The following LPIN1 variants were observed in gnomAD, a reference collection of about 807,000 sequenced individuals.
LPIN1 encodes the protein phosphatidate phosphatase LPIN1.
A neutral mutation model predicts 107.5 loss-of-function variants in LPIN1; 71 were observed. That is an observed-to-expected ratio of 0.66 (90% CI 0.55 to 0.80). The LOEUF is 0.80. Among genes scored for constraint, LPIN1 ranks in the 30% least tolerant of loss-of-function variants. The pLI is 0.00. For synonymous variants in LPIN1, 445 were observed against 452.6 expected (o/e 0.98, Z 0.21); for missense variants, 1,043 against 1,160.6 (o/e 0.90, Z 1.47).
At chr2:11,705,601 G>A (rs557069089) in intron 1 of LPIN1, among the ~76,000 whole-genome samples, 40 of 152,222 alleles carry the variant, frequency 2.6e-4, no homozygotes, top group Middle Eastern at 3.4e-3. Context: ...AGCGTGTCTC[G>A]GACAGGGAGA....
intron 17 of LPIN1, among the ~76,000 whole-genome samples, chr2:11,809,889 A>C (rs1679362188): frequency 6.6e-6 from 1 of 152,194 alleles, no homozygotes; most frequent in Non-Finnish European, 1.5e-5. Context: ...GGCAGCCATT[A>C]GCTCACCCTG....
In LPIN1 at chr2:11,791,999, T is replaced by C. The variant is rs988428098; in HGVS notation, c.1799T>C (p.Ile600Thr). Residue 600 changes from isoleucine (I) to threonine (T), a missense_variant, in exon 13 of 21, where the codon ATC becomes ACC. Ile to Thr is a moderately conservative substitution (Grantham distance 89). Transcript: ENST00000674199. ...TCATGGAGGGGAAGAAACACCACAA[T>C]CAAGGAGGTAAGCCCAGAAGACAAA... ...WFSWRGRNTTIKEESKPEQCL... is the reference protein window; with the variant it reads ...WFSWRGRNTTTKEESKPEQCL... 1 of 1,613,524 alleles carries C rather than the reference T, an allele frequency of 6.2e-7. No homozygotes were observed. Among genetic ancestry groups the C allele is most frequent in the African/African-American group, 1.3e-5 (1 of 74,928 alleles).
rs368262693 is a variant in LPIN1 at position 11,819,487 on chromosome 2, A to G, written c.2406A>G (p.Glu802=). The G allele has an allele frequency of 2.5e-6, 4 of 1,587,004 alleles. No individual in the cohort carries two copies. Among genetic ancestry groups the G allele is most frequent in the Non-Finnish European group, 3.5e-6 (4 of 1,155,218 alleles). The change falls in exon 19 of 21, where the codon GAA becomes GAG. Residue 802 remains glutamate (E), a synonymous_variant. Coordinates refer to ENST00000674199, the MANE Select transcript of LPIN1 (RefSeq NM_001349206.2). ...PSSLFSALHR[E]VIEKKPEKFK... is the part of the protein sequence containing the mutation. ...CTGTTATTTATTTGTTTAACAGAGA[A>G]GTGATTGAAAAGAAGCCAGAAAAGT...
chr2:11,786,780 T>C lies in LPIN1; in HGVS notation c.1550-294T>C, dbSNP rs1394698481. Among the ~76,000 whole-genome samples the C allele has an allele frequency of 6.6e-6, 1 of 152,238 alleles. No homozygotes were observed. Among genetic ancestry groups the C allele is most frequent in the Non-Finnish European group, 1.5e-5 (1 of 68,046 alleles). On this transcript the variant is annotated intron_variant, in intron 10 of 20. Coordinates refer to ENST00000674199, the MANE Select transcript of LPIN1 (RefSeq NM_001349206.2). The surrounding 1 kb of genome is among the most constrained non-coding windows in gnomAD (Gnocchi z 4.1). The stretch of plus-strand genomic sequence containing the variant: ...GTAGCCATGACTCTGCCTGTGCAGA[T>C]GCACGTGTGTGCTGTTTTCACCCCT...
rs759568878 is a variant in LPIN1, at chr2:11,771,326, A to G, written c.289-46A>G. 11 of 1,595,500 alleles carry G rather than the reference A, an allele frequency of 6.9e-6. No homozygotes were observed. The highest frequency in any genetic ancestry group is 8.6e-6 in the Non-Finnish European group (10 of 1,163,354). ...CCTCTGGCAAGGCCCTGCTTCTTAT[A>G]CCTGAATTAACGAGGCTCTTTTTAG... On this transcript the variant is annotated intron_variant, in intron 3 of 20. Coordinates refer to ENST00000674199, the MANE Select transcript of LPIN1 (RefSeq NM_001349206.2). The surrounding 1 kb of genome is among the most constrained non-coding windows in gnomAD (Gnocchi z 4.8).
intron 1 of LPIN1, among the ~76,000 whole-genome samples, chr2:11,710,494 C>T (rs1431518734): frequency 6.6e-6 from 1 of 151,970 alleles, no homozygotes. Flanking sequence ...AAGGTTCAAG[C>T]AAGGTAGAAG....
chr2:11,758,044 A>G (rs550149268), intron 1 of LPIN1, among the ~76,000 whole-genome samples: 1 of 152,286 alleles, frequency 6.6e-6, no homozygotes, highest in Admixed American at 6.5e-5. Flanking sequence ...TGACTGGCCT[A>G]TTTCATTTAG....
chr2:11,792,152 G>A (rs1675868255), intron 13 of LPIN1, 146 bp downstream of exon 13: 5 of 715,228 alleles, frequency 7.0e-6, no homozygotes, highest in East Asian at 3.0e-5. Flanking sequence ...GAAGTAGGGC[G>A]AGTGCTCGTG....
chr2:11,801,015 A>T (rs1677627759), intron 14 of LPIN1, among the ~76,000 whole-genome samples: 1 of 152,210 alleles, frequency 6.6e-6, no homozygotes, highest in South Asian at 2.1e-4. Flanking sequence ...TTTGCTCAAC[A>T]TCACTAATCA....
In LPIN1 at chr2:11,682,145, C is replaced by T. The variant is rs751991826; in HGVS notation, c.81+4417C>T. The T allele has an allele frequency of 1.5e-4, 23 of 152,400 alleles. 1 individual carries two copies. The highest frequency in any genetic ancestry group is 4.8e-4 in the African/African-American group (20 of 41,456). 9.4% of individuals were successfully genotyped at this position (152,400 alleles called of 1,614,324 possible). A position where few individuals can be genotyped will look rare whatever the true frequency, so the allele number is the denominator to read the frequency against. ...CTCCGTGGGGAGCGGGGCTTTGGGC[C>T]TCTCTCTCCTCTCAGCGTCCTGGGC... On this transcript the variant is annotated intron_variant, in intron 1 of 21. Transcript: ENST00000449576.
In LPIN1 at chr2:11,776,120, C is replaced by G. The variant is rs756695282; in HGVS notation, c.757C>G (p.Leu253Val). 2 of 1,548,706 alleles carry G rather than the reference C, an allele frequency of 1.3e-6. No individual in the cohort carries two copies. The highest frequency in any genetic ancestry group is 2.4e-5 in the South Asian group (2 of 83,928). The change falls in exon 6 of 21, where the codon CTT becomes GTT. Residue 253 changes from leucine (L) to valine (V), a missense_variant. Leu to Val is a conservative substitution (Grantham distance 32, BLOSUM62 1). Transcript: ENST00000674199. ...LVDCKRTAPH[L>V]AVAAEGGLSS... ...AGATTGCAAAAGGACTGCCCCTCAT[C>G]TTGCAGTTGCGGCCGAGGGAGGTCT...
At chr2:11,772,509 C>T (rs577400753) in intron 4 of LPIN1, among the ~76,000 whole-genome samples, 3 of 152,298 alleles carry the variant, frequency 2.0e-5, no homozygotes, top group East Asian at 1.9e-4. Context: ...TGAGCACCAA[C>T]GATGCACAAC....
At chr2:11,727,994 G>A (rs568899838) in intron 1 of LPIN1, among the ~76,000 whole-genome samples, 4 of 152,092 alleles carry the variant, frequency 2.6e-5, no homozygotes, top group Non-Finnish European at 5.9e-5. Flanking sequence ...TCTGCATTAT[G>A]GCACCCAGTT....
Position 11,773,668 on chromosome 2 carries a change from A to G in LPIN1, c.645A>G (p.Glu215=), listed in dbSNP as rs1035233234. 3 of 1,612,854 alleles carry G rather than the reference A, an allele frequency of 1.9e-6. No homozygotes were observed. Among genetic ancestry groups the G allele is most frequent in the Admixed American group, 3.3e-5 (2 of 60,008 alleles). Residue 215 remains glutamate, a synonymous_variant, in exon 5 of 21, where the codon GAA becomes GAG. Coordinates refer to ENST00000674199, the MANE Select transcript of LPIN1 (RefSeq NM_001349206.2). ...CATTCCAAGATGATATTCCTGAGGAAAACCTCTCCCTGGCTGTGATTTACC... is the reference window on the plus strand; with the variant it reads ...CATTCCAAGATGATATTCCTGAGGAGAACCTCTCCCTGGCTGTGATTTACC... ...IPPFQDDIPE[E]NLSLAVIYPQ...
At chr2:11,762,082 A>C (rs910958618) in intron 1 of LPIN1, among the ~76,000 whole-genome samples, 2 of 151,964 alleles carry the variant, frequency 1.3e-5, no homozygotes, top group Non-Finnish European at 2.9e-5. Flanking sequence ...GACTGGCTAT[A>C]AATCGGGGGT....
At chr2:11,690,148 A>G (rs908289956) in intron 1 of LPIN1, among the ~76,000 whole-genome samples, 5 of 152,030 alleles carry the variant, frequency 3.3e-5, no homozygotes, top group Non-Finnish European at 7.4e-5. Flanking sequence ...AATATGTCCA[A>G]CCTCTTGTAT....
intron 1 of LPIN1, among the ~76,000 whole-genome samples, chr2:11,701,223 T>C (rs1271554967): frequency 2.6e-5 from 4 of 152,198 alleles, no homozygotes; most frequent in Admixed American, 1.3e-4. Flanking sequence ...ACCTGGCCCT[T>C]TGTTTGTGCC....
chr2:11,719,362 A>G (rs949817644), upstream of LPIN1, among the ~76,000 whole-genome samples: 4 of 152,242 alleles, frequency 2.6e-5, no homozygotes, highest in Non-Finnish European at 5.9e-5. Flanking sequence ...TAAAAAGTCC[A>G]GGAGCTGGCT....
intron 17 of LPIN1, among the ~76,000 whole-genome samples, chr2:11,811,176 G>A (rs1679579771): frequency 6.6e-6 from 1 of 152,212 alleles, no homozygotes; most frequent in African/African-American, 2.4e-5. Flanking sequence ...CCCGTGTGCA[G>A]CCTGGCATAG....
Sources: allele counts gnomAD v4.1 joint callset (sites outside exome capture counted in the v4.1 genomes callset), GRCh38; gene constraint gnomAD v4.1.1; non-coding constraint Gnocchi (gnomAD v3.1); transcripts MANE v1.5; gene names NCBI Gene and HGNC (gene_info 2026-07-23, HGNC 2026-07-21).